The following CCDC88C variants were observed in gnomAD, a reference collection of about 807,000 sequenced individuals.
CCDC88C encodes protein Daple.
A neutral mutation model predicts 198.8 loss-of-function variants in CCDC88C; 131 were observed. That is an observed-to-expected ratio of 0.66 (90% CI 0.57 to 0.76). The LOEUF is 0.76. Among genes scored for constraint, CCDC88C ranks in the 30% least tolerant of loss-of-function variants. The probability of loss-of-function intolerance (pLI) is 0.00; values close to 1 mark genes in which losing one functional copy is unlikely to be tolerated. For synonymous variants in CCDC88C, 1,166 were observed against 1,114.7 expected, an observed-to-expected ratio of 1.05 and a Z score of -0.92; for missense variants, 2,553 against 2,631.6, an observed-to-expected ratio of 0.97 and a Z score of 0.65.
chr14:91,303,737 C>T lies in CCDC88C; in HGVS notation c.3599G>A (p.Arg1200Gln). Residue 1200 changes from arginine to glutamine, a missense_variant, in exon 20 of 30, where the codon CGG (arginine) becomes CAG (glutamine). By Grantham distance (43) the Arg-to-Gln change is conservative. Around this residue, in one of 2 missense-constraint regions of CCDC88C, gnomAD observed 1,293 missense variants for 1,219.6 expected, o/e 1.06. Coordinates refer to ENST00000389857, the MANE Select transcript of CCDC88C (RefSeq NM_001080414.4). ...CTCCTTGTGCTCCAGCTCCAGATTC[C>T]GATGCAGTGTCTTTAGGCAGCTGTG... The part of the protein sequence containing the change: ...RQHSCLKTLH[R>Q]NLELEHKELG... The T allele has an allele frequency of 6.2e-7, 1 of 1,607,692 alleles. No individual in the cohort carries two copies. Among genetic ancestry groups the T allele is most frequent in the Non-Finnish European group, 8.5e-7 (1 of 1,176,364 alleles).
Position 91,376,094 on chromosome 14 carries a change from G to A in CCDC88C, c.271-16383C>T, listed in dbSNP as rs953556931. Among the ~76,000 whole-genome samples, 7 of 152,160 alleles carry A rather than the reference G, an allele frequency of 4.6e-5. No homozygotes were observed. In the East Asian group the frequency reaches 9.6e-4, roughly 21 times the overall value. ...GAGGAGACCTGAGGAGCTGGCAGGC[G>A]CAGAGGACCCTTTAGGCTGTGGCAG... On this transcript the variant is annotated intron_variant, in intron 3 of 29. Coordinates refer to ENST00000389857, the MANE Select transcript of CCDC88C (RefSeq NM_001080414.4).
chr14:91,316,352 A>G (rs1045813156), intron 13 of CCDC88C, among the ~76,000 whole-genome samples: 5 of 151,432 alleles, frequency 3.3e-5, no homozygotes, highest in African/African-American at 1.2e-4. Flanking sequence ...AACATGAACT[A>G]CCTAAACAGA....
In CCDC88C at chr14:91,381,462, C is replaced by T. The variant is rs1851766408; in HGVS notation, c.271-21751G>A. Among the ~76,000 whole-genome samples, 1 of 152,190 alleles carries T rather than the reference C, an allele frequency of 6.6e-6. No individual in the cohort carries two copies. On this transcript the variant is annotated intron_variant, in intron 3 of 29. Transcript: ENST00000389857. The surrounding 1 kb of genome is among the most constrained non-coding windows in gnomAD (Gnocchi z 4.2). Reference sequence around the variant, plus strand: ...TGAAGAAAAATGCTTTAAAACTTGACCCAAGAAGAGAGCAGGCAGCAACAC... The same window carrying T: ...TGAAGAAAAATGCTTTAAAACTTGATCCAAGAAGAGAGCAGGCAGCAACAC...
rs755596208 is a variant in CCDC88C, at chr14:91,273,432, G to C, written c.5280C>G (p.Ala1760=). The C allele has an allele frequency of 1.9e-6, 3 of 1,577,858 alleles. No individual in the cohort carries two copies. In the African/African-American group the frequency reaches 4.1e-5, roughly 21 times the overall value. Residue 1760 remains alanine (A), a synonymous_variant, in exon 30 of 30, where the codon GCC becomes GCG. Transcript: ENST00000389857. This position sits in a 1 kb window ranked among gnomAD's most constrained non-coding sequence, Gnocchi z 5.6. ...YVKPNFRLTE[A]EAPPSVAPRQ... ...TCGGGGCCACGCTGGGTGGGGCCTC[G>C]GCCTCAGTCAGTCTGAAGTTTGGCT...
chr14:91,372,538 C>CGGGGG (rs564281124), intron 3 of CCDC88C, among the ~76,000 whole-genome samples: 81 of 14,776 alleles, frequency 5.5e-3, no homozygotes, highest in African/African-American at 0.03. Flanking sequence ...CGGGGGGGGG[C>CGGGGG]GGGCGGGGGG....
chr14:91,278,330 G>A (rs1297020495), intron 28 of CCDC88C, 119 bp from the exon 29 acceptor site: 15 of 983,024 alleles, frequency 1.5e-5, no homozygotes, highest in East Asian at 2.9e-5. Flanking sequence ...TCCCTTGCCC[G>A]AAAACCCAGG....
chr14:91,334,659 T>C (rs1892975016), intron 10 of CCDC88C, among the ~76,000 whole-genome samples: 1 of 152,206 alleles, frequency 6.6e-6, no homozygotes, highest in Non-Finnish European at 1.5e-5. Flanking sequence ...CTGAAAAACC[T>C]GGATTTTCAT....
In CCDC88C at chr14:91,303,776, G is replaced by A. The variant is rs1891437926; in HGVS notation, c.3560C>T (p.Ala1187Val). Residue 1187 changes from alanine to valine, a missense_variant, in exon 20 of 30, where the codon GCC becomes GTC. This residue lies in a region of CCDC88C where 1,293 missense variants were observed against 1,219.6 expected (regional missense o/e 1.06). Transcript: ENST00000389857. ...LHERQSAEYE[A>V]LIRQHSCLKT... ...TAGGCAGCTGTGCTGGCGGATGAGG[G>A]CCTCGTACTCGGCCGATTGCCGCTC... is the stretch of plus-strand genomic sequence containing the variant. 1 of 1,613,282 alleles carries A rather than the reference G, an allele frequency of 6.2e-7. No homozygotes were observed. The highest frequency in any genetic ancestry group is 1.7e-5 in the Admixed American group (1 of 59,972).
In CCDC88C at chr14:91,324,457, A is replaced by G. The variant is rs148904189; in HGVS notation, c.1342+322T>C. Among the ~76,000 whole-genome samples the G allele has an allele frequency of 7.4e-3, 1,121 of 152,382 alleles. 14 individuals are homozygous for G. Among genetic ancestry groups the G allele is most frequent in the African/African-American group, 0.026 (1,066 of 41,598 alleles). ...ATGGCTCCTGCCATCCAGGGCTTTC[A>G]GCCATCCACAGATGGCCTCAGAGAG... On this transcript the variant is annotated intron_variant, in intron 12 of 29. Coordinates refer to ENST00000389857, the MANE Select transcript of CCDC88C (RefSeq NM_001080414.4).
At chr14:91,305,977 A>C in intron 18 of CCDC88C, 51 bp from the exon 19 acceptor site, 1 of 1,581,444 alleles carries the variant, frequency 6.3e-7, no homozygotes, top group African/African-American at 1.3e-5. Flanking sequence ...GGTAAATGCT[A>C]ACTGGCCACA....
chr14:91,417,781 G>T lies in CCDC88C; in HGVS notation c.-91C>A. On this transcript the variant is annotated 5_prime_UTR_variant, in exon 1 of 30. Transcript: ENST00000389857. ...CAAAACGGCTCCGCAGCGAGCAGCG[G>T]GCGCGGGGCTGCGGCGGCTCGCGCC... The T allele has an allele frequency of 1.1e-6, 1 of 934,408 alleles. No homozygotes were observed. Among genetic ancestry groups the T allele is most frequent in the Non-Finnish European group, 1.4e-6 (1 of 728,938 alleles). The allele number at this position is 934,408 out of a possible 1,614,324, so 57.9% of individuals were successfully genotyped here. A position where few individuals can be genotyped will look rare whatever the true frequency, so the allele number is the denominator to read the frequency against.
intron 15 of CCDC88C, among the ~76,000 whole-genome samples, chr14:91,310,918 T>TC (rs1891792340): frequency 6.6e-6 from 1 of 152,054 alleles, no homozygotes; most frequent in Non-Finnish European, 1.5e-5. Flanking sequence ...CATTACCTGC[T>TC]CCCCCAAATT....
chr14:91,318,277 G>A (rs1051723273), intron 13 of CCDC88C, among the ~76,000 whole-genome samples: 3 of 151,974 alleles, frequency 2.0e-5, no homozygotes, highest in Non-Finnish European at 2.9e-5. Flanking sequence ...TTAGCTGGGC[G>A]TGGTGGTACG....
chr14:91,278,690 ACT>A, intron 28 of CCDC88C, among the ~76,000 whole-genome samples: 2 of 152,138 alleles, frequency 1.3e-5, no homozygotes, highest in Admixed American at 1.3e-4. Flanking sequence ...AGTAAATGAG[ACT>A]CGGGACCTGT....
chr14:91,355,444 C>T (rs534768663), intron 4 of CCDC88C, among the ~76,000 whole-genome samples: 2 of 152,266 alleles, frequency 1.3e-5, no homozygotes, highest in East Asian at 3.9e-4. Flanking sequence ...CCAGGCCGTG[C>T]TCGGAGAAGC....
intron 20 of CCDC88C, 46 bp from the exon 21 acceptor site, chr14:91,300,116 TTCCGACAGGTAACTCACA>T: frequency 1.3e-6 from 2 of 1,583,476 alleles, no homozygotes. Context: ...GGGCCTTCTT[TTCCGACAGGTAACTCACA>T]TCCCAGAGGA....
At chr14:91,376,738 C>T (rs560904717) in intron 3 of CCDC88C, among the ~76,000 whole-genome samples, 2 of 152,200 alleles carry the variant, frequency 1.3e-5, no homozygotes, top group South Asian at 2.1e-4. Context: ...ATGGGGGCCA[C>T]GCACCCCCAG....
chr14:91,399,042 T>C (rs1886016340), intron 3 of CCDC88C, among the ~76,000 whole-genome samples: 1 of 152,176 alleles, frequency 6.6e-6, no homozygotes, highest in Non-Finnish European at 1.5e-5. Flanking sequence ...ACTCTCCCTC[T>C]GGTCCTCCCA....
chr14:91,321,220 T>C lies in CCDC88C; in HGVS notation c.1427A>G (p.Gln476Arg). Residue 476 changes from glutamine (Q) to arginine (R), a missense_variant, in exon 13 of 30, where the codon CAG (glutamine) becomes CGG (arginine). Transcript: ENST00000389857. ...GTCCCGCAGCCCCTGGATGGTGCTCTGGAGGCTCTGATTCTCCTTCTCCAG... is the reference window on the plus strand; with the variant it reads ...GTCCCGCAGCCCCTGGATGGTGCTCCGGAGGCTCTGATTCTCCTTCTCCAG... ...LKLEKENQSL[Q>R]STIQGLRDAS... The C allele has an allele frequency of 6.2e-7, 1 of 1,606,882 alleles. No homozygotes were observed. Among genetic ancestry groups the C allele is most frequent in the Non-Finnish European group, 8.5e-7 (1 of 1,176,674 alleles).
Sources: gnomAD v4.1 joint callset for allele counts (sites outside exome capture counted in the v4.1 genomes callset) on GRCh38, gnomAD v4.1.1 for gene constraint, gnomAD v4.1.1 regional missense constraint, Gnocchi (gnomAD v3.1) non-coding constraint, MANE v1.5 for transcripts, NCBI Gene and HGNC (gene_info 2026-07-23, HGNC 2026-07-21) for gene names.